SPECC1: variants seen among roughly 807,000 people sequenced by gnomAD.
SPECC1 encodes sperm antigen with calponin homology and coiled-coil domains 1, also known as cytospin-B.
A neutral mutation model predicts 104.1 loss-of-function variants in SPECC1; 62 were observed. That is an observed-to-expected ratio of 0.60 (90% confidence interval 0.49 to 0.74). The LOEUF is 0.74. SPECC1 is among the 30% of genes least tolerant of loss of function. SPECC1 has a pLI of 0.00. For synonymous variants in SPECC1, 513 were observed against 501.6 expected (o/e 1.02, Z -0.30); for missense variants, 1,306 against 1,310.5 (o/e 1.00, Z 0.05).
At position 20,156,103 on chromosome 17, in the gene SPECC1, G is replaced by T. The variant is rs534360862; in HGVS notation, c.283+45541G>T. 12 of 1,356,306 alleles carry T rather than the reference G, an allele frequency of 8.8e-6. No homozygotes were observed. The African/African-American group carries it at 1.5e-4, about 17-fold the overall frequency. The allele number at this position is 1,356,306 out of a possible 1,614,324, so 84.0% of individuals were successfully genotyped here. ...TTTGACTGGAGCGGACCCGCCGGAC[G>T]CAACCGCCTCGCCAGCCGGAGCCAG... is the stretch of plus-strand genomic sequence containing the variant. On this transcript the variant is annotated intron_variant, in intron 3 of 14. Coordinates refer to ENST00000395527, the MANE Select transcript of SPECC1 (RefSeq NM_001243439.2).
chr17:20,216,862 T>G (rs2037523366), intron 4 of SPECC1, among the ~76,000 whole-genome samples: 3 of 152,078 alleles, frequency 2.0e-5, no homozygotes, highest in Non-Finnish European at 2.9e-5. Flanking sequence ...GAAGTTAAAC[T>G]CTAAGGAGCT....
In SPECC1 at chr17:20,238,930, G is replaced by A. The variant is rs1001343462; in HGVS notation, c.2351+6525G>A. On this transcript the variant is annotated intron_variant, in intron 7 of 14. Coordinates refer to ENST00000395527, the MANE Select transcript of SPECC1 (RefSeq NM_001243439.2). ...AGTTTTAATCACCAGCTACGTTTCT[G>A]CAGGGCCTTTATGTCGTTTTGTTCT... 2.9e-6 allele frequency: 3 copies of A among 1,040,706 alleles called. No homozygotes were observed. In the African/African-American group the frequency reaches 5.0e-5, roughly 17 times the overall value. 64.5% of individuals were successfully genotyped at this position (1,040,706 alleles called of 1,614,324 possible). A position where few individuals can be genotyped will look rare whatever the true frequency, so the allele number is the denominator to read the frequency against.
At position 20,240,117 on chromosome 17, in the gene SPECC1, T is replaced by C. The variant is rs191522253; in HGVS notation, c.2352-5809T>C. On this transcript the variant is annotated intron_variant, in intron 7 of 14. Transcript: ENST00000395527. ...TGGTAGACACGAGGTCTCACTGTGT[T>C]GCACAGAGAGACTGGTATCGAACTC... 1.3e-3 allele frequency among the ~76,000 whole-genome samples: 185 copies of C among 137,426 alleles called. 1 individual carries two copies. Among genetic ancestry groups the C allele is most frequent in the African/African-American group, 5.1e-3 (181 of 35,164 alleles). The allele number at this position is 137,426 out of a possible 152,430, so 90.2% of individuals were successfully genotyped here. A position where few individuals can be genotyped will look rare whatever the true frequency, so the allele number is the denominator to read the frequency against.
rs142403984 is a variant in SPECC1 at position 20,110,544 on chromosome 17, C to A, written c.265C>A (p.Arg89Ser). Reference sequence around the variant, plus strand: ...AGCCATCTCGGAGCTCACGGAGAGCCGCCTGAGGAGCGGCACAGGTAGGAG... The same window carrying A: ...AGCCATCTCGGAGCTCACGGAGAGCAGCCTGAGGAGCGGCACAGGTAGGAG... ...AGAISELTES[R>S]LRSGTGAFTT... The change falls in exon 3 of 15, where the codon CGC becomes AGC. Residue 89 changes from arginine (R) to serine (S), a missense_variant. Arg to Ser is a moderately radical substitution (Grantham distance 110, BLOSUM62 -1). Around this residue, in one of 2 missense-constraint regions of SPECC1, gnomAD observed 1,177 missense variants for 1,139.9 expected, o/e 1.03. Coordinates refer to ENST00000395527, the MANE Select transcript of SPECC1 (RefSeq NM_001243439.2). 1.2e-5 allele frequency: 19 copies of A among 1,613,414 alleles called. No homozygotes were observed. In the South Asian group the frequency reaches 2.1e-4, roughly 18 times the overall value.
intron 3 of SPECC1, 27 bp from the exon 4 acceptor site, chr17:20,204,306 T>C (rs772235429): frequency 6.3e-7 from 1 of 1,581,890 alleles, no homozygotes; most frequent in Non-Finnish European, 8.6e-7. Flanking sequence ...CTTTATTTTT[T>C]CATTTTTTTC....
intron 4 of SPECC1, among the ~76,000 whole-genome samples, chr17:20,223,418 G>A (rs1465831734): frequency 3.9e-5 from 6 of 152,130 alleles, no homozygotes; most frequent in Non-Finnish European, 7.3e-5. Context: ...GCTCATGCCT[G>A]TAATCCCAGC....
chr17:20,173,120 A>G (rs1248456676), intron 3 of SPECC1, among the ~76,000 whole-genome samples: 1 of 152,164 alleles, frequency 6.6e-6, no homozygotes, highest in Non-Finnish European at 1.5e-5. Context: ...TTTTCCCCTA[A>G]TTGTGGGCCA....
intron 13 of SPECC1, among the ~76,000 whole-genome samples, chr17:20,302,588 A>G (rs74255390): frequency 1.3e-4 from 20 of 151,730 alleles, no homozygotes; most frequent in Admixed American, 4.6e-4. Context: ...TCTGTATTCT[A>G]TGTCACCCTG....
chr17:20,093,137 A>G (rs938905520), intron 1 of SPECC1, among the ~76,000 whole-genome samples: 3 of 152,208 alleles, frequency 2.0e-5, no homozygotes, highest in African/African-American at 7.2e-5. Flanking sequence ...GGTGACTTAT[A>G]AGCAACAGAA....
chr17:20,274,950 T>C (rs1257363205), intron 12 of SPECC1, among the ~76,000 whole-genome samples: 4 of 151,730 alleles, frequency 2.6e-5, no homozygotes, highest in Admixed American at 2.0e-4. Flanking sequence ...AATAATAATT[T>C]AATAATCACC....
intron 14 of SPECC1, among the ~76,000 whole-genome samples, chr17:20,310,602 A>T (rs1567626167): frequency 1.3e-5 from 2 of 152,224 alleles, no homozygotes; most frequent in Non-Finnish European, 2.9e-5. Flanking sequence ...TGTCACTGTC[A>T]TAAAAACGGC....
intron 7 of SPECC1, 39 bp downstream of exon 7, chr17:20,232,444 A>C: frequency 6.4e-7 from 1 of 1,561,674 alleles, no homozygotes; most frequent in Non-Finnish European, 8.7e-7. Flanking sequence ...TTGCTTCTCA[A>C]TCACTATGTA....
chr17:20,196,394 A>G (rs1290455307), intron 3 of SPECC1, among the ~76,000 whole-genome samples: 1 of 152,248 alleles, frequency 6.6e-6, no homozygotes, highest in African/African-American at 2.4e-5. Flanking sequence ...TCTCCAGCAT[A>G]GCTAGGGGGC....
chr17:20,033,537 C>T (rs1249197136), intron 1 of SPECC1, among the ~76,000 whole-genome samples: 4 of 152,192 alleles, frequency 2.6e-5, no homozygotes, highest in African/African-American at 7.2e-5. Flanking sequence ...CTGCTTCTGG[C>T]GAGGGCTTCA....
At chr17:20,129,931 T>C (rs2049523588) in intron 3 of SPECC1, among the ~76,000 whole-genome samples, 2 of 152,118 alleles carry the variant, frequency 1.3e-5, no homozygotes, top group African/African-American at 4.8e-5. Flanking sequence ...TTTTTGTATT[T>C]TTAGTAGAAA....
At chr17:20,289,866 G>T (rs763582670) in intron 12 of SPECC1, among the ~76,000 whole-genome samples, 2 of 152,204 alleles carry the variant, frequency 1.3e-5, no homozygotes, top group African/African-American at 4.8e-5. Context: ...ACAAACCATA[G>T]TTGGGTGGCC....
chr17:20,216,980 C>T (rs371267346), intron 4 of SPECC1, among the ~76,000 whole-genome samples: 5 of 151,536 alleles, frequency 3.3e-5, no homozygotes, highest in African/African-American at 9.7e-5. Flanking sequence ...TAGCGAGACC[C>T]CATGTCTTAA....
At chr17:20,100,840 G>T (rs2047912186) in intron 2 of SPECC1, among the ~76,000 whole-genome samples, 1 of 151,912 alleles carries the variant, frequency 6.6e-6, no homozygotes, top group Non-Finnish European at 1.5e-5. Flanking sequence ...AACAGACCCG[G>T]GTGTGTGATG....
At chr17:20,084,759 G>A (rs1048826561) in intron 1 of SPECC1, among the ~76,000 whole-genome samples, 7 of 151,960 alleles carry the variant, frequency 4.6e-5, no homozygotes, top group African/African-American at 1.7e-4. Flanking sequence ...CTAGTTTCAG[G>A]TTTCACCTTT....
Sources: allele counts gnomAD v4.1 joint callset (sites outside exome capture counted in the v4.1 genomes callset), GRCh38; gene constraint gnomAD v4.1.1; regional missense constraint gnomAD v4.1.1; transcripts MANE v1.5; gene names NCBI Gene and HGNC (gene_info 2026-07-23, HGNC 2026-07-21).